NAV1: variants seen among roughly 807,000 people sequenced by gnomAD.
NAV1 encodes the protein pore membrane and/or filament interacting like protein 3.
Under a neutral mutation model 175.2 loss-of-function variants are expected in NAV1, and 18 were observed. That is an observed-to-expected ratio of 0.10 (90% confidence interval 0.07 to 0.15). NAV1 has a LOEUF of 0.15. Among genes scored for constraint, NAV1 ranks in the 10% least tolerant of loss-of-function variants. The pLI, the probability that NAV1 is intolerant of heterozygous loss-of-function variation, is 1.00. For missense variants in NAV1, 1,731 were observed against 2,436.6 expected (o/e 0.71, Z 6.10); for synonymous variants, 897 against 978.7 (o/e 0.92, Z 1.56).
intron 2 of NAV1, among the ~76,000 whole-genome samples, chr1:201,716,485 GT>G (rs1432745402): frequency 6.6e-6 from 1 of 152,194 alleles, no homozygotes; most frequent in Non-Finnish European, 1.5e-5. Flanking sequence ...GGGCACATCG[GT>G]TTCTGTCCAA....
At chr1:201,803,907 G>A (rs1558184332) in intron 16 of NAV1, among the ~76,000 whole-genome samples, 193 bp downstream of exon 20, 1 of 152,104 alleles carries the variant, frequency 6.6e-6, no homozygotes, top group South Asian at 2.1e-4. Context: ...TTGTCCCCAA[G>A]GCCACCCCTC....
intron 2 of NAV1, among the ~76,000 whole-genome samples, chr1:201,607,870 T>G (rs934521391): frequency 1.0e-4 from 14 of 138,194 alleles, no homozygotes; most frequent in South Asian, 7.4e-4. Flanking sequence ...GATAACTTTA[T>G]TGTGTGTGTG....
At chr1:201,814,307 C>CTACA (rs1678885951) in intron 28 of NAV1, among the ~76,000 whole-genome samples, 1 of 151,034 alleles carries the variant, frequency 6.6e-6, no homozygotes, top group Non-Finnish European at 1.5e-5. Flanking sequence ...GATATACAGG[C>CTACA]TACAGTGAGC....
At chr1:201,749,417 CAGAT>C (rs1156564415) in intron 3 of NAV1, among the ~76,000 whole-genome samples, 13 of 152,202 alleles carry the variant, frequency 8.5e-5, no homozygotes, top group Admixed American at 8.5e-4. Flanking sequence ...TTCTGGGCAT[CAGAT>C]AGAGCACAAC....
At chr1:201,671,582 A>G (rs1423551664) in intron 1 of NAV1, among the ~76,000 whole-genome samples, 3 of 152,170 alleles carry the variant, frequency 2.0e-5, no homozygotes, top group African/African-American at 7.2e-5. Context: ...TATTTGCTCT[A>G]CCCTTTCTAG....
At chr1:201,814,152 G>A (rs1047729511) in intron 28 of NAV1, among the ~76,000 whole-genome samples, 4 of 152,010 alleles carry the variant, frequency 2.6e-5, no homozygotes, top group African/African-American at 4.8e-5. Flanking sequence ...AGGCTGAGGC[G>A]AGAGGACTAC....
chr1:201,747,006 A>ATT (rs1673811832), intron 3 of NAV1, among the ~76,000 whole-genome samples: 1 of 152,240 alleles, frequency 6.6e-6, no homozygotes, highest in South Asian at 2.1e-4. Flanking sequence ...AAAAAAAAAA[A>ATT]AATGAAGAAA....
chr1:201,725,589 C>T (rs1342381087), intron 3 of NAV1, among the ~76,000 whole-genome samples: 2 of 148,388 alleles, frequency 1.3e-5, no homozygotes, highest in Non-Finnish European at 3.0e-5. Context: ...GGGGGGGCTA[C>T]AGTGAGCTAT....
chr1:201,798,814 T>C (rs1677642927), intron 15 of NAV1, among the ~76,000 whole-genome samples: 1 of 147,178 alleles, frequency 6.8e-6, no homozygotes, highest in South Asian at 2.2e-4. Context: ...GTGATTCTCC[T>C]GCCTCAGCCT....
At chr1:201,597,956 G>A (rs909740550) in intron 2 of NAV1, among the ~76,000 whole-genome samples, 4 of 152,242 alleles carry the variant, frequency 2.6e-5, no homozygotes, top group African/African-American at 9.6e-5. Context: ...CAAGGGGAGG[G>A]AGTTCAGCTG....
chr1:201,688,396 TG>T (rs1670764459), intron 1 of NAV1: 1 of 152,108 alleles, frequency 6.6e-6, no homozygotes, highest in Admixed American at 6.5e-5. Flanking sequence ...CTGGGGAAAA[TG>T]GGATGTTTTG....
intron 2 of NAV1, among the ~76,000 whole-genome samples, chr1:201,594,631 C>T (rs528479068): frequency 2.6e-5 from 4 of 152,316 alleles, no homozygotes; most frequent in African/African-American, 7.2e-5. Context: ...GTAGCATTAT[C>T]CCTTGAGGCA....
chr1:201,593,092 G>T (rs1283794426), intron 2 of NAV1, among the ~76,000 whole-genome samples: 3 of 152,212 alleles, frequency 2.0e-5, no homozygotes, highest in Admixed American at 1.3e-4. Flanking sequence ...GCCCCATCTG[G>T]CAGGTGGAAG....
At chr1:201,666,743 G>C (rs1669838352) in intron 1 of NAV1, among the ~76,000 whole-genome samples, 1 of 152,122 alleles carries the variant, frequency 6.6e-6, no homozygotes, top group Non-Finnish European at 1.5e-5. Context: ...TCCTGGGTGG[G>C]AGCGGCCTTC....
chr1:201,594,249 A>T (rs1301754083), intron 2 of NAV1, among the ~76,000 whole-genome samples: 2 of 152,132 alleles, frequency 1.3e-5, no homozygotes, highest in Admixed American at 1.3e-4. Context: ...AAGGGAGTGC[A>T]TCATGTGGGC....
At chr1:201,688,515 G>T (rs899141276) in intron 1 of NAV1, 1 of 152,202 alleles carries the variant, frequency 6.6e-6, no homozygotes, top group African/African-American at 2.4e-5. Flanking sequence ...CACATAACCT[G>T]ATCAGAGCTG....
In NAV1 at chr1:201,734,480, G is replaced by A. The variant is rs1036018712; in HGVS notation, c.1226+15725G>A. On this transcript the variant is annotated intron_variant, in intron 3 of 29. Coordinates refer to ENST00000367296, the Ensembl canonical transcript of NAV1. ...GGAGGAGGAGGAGGAAGAGGAGGAG[G>A]AGGAGGAAGAAGGAGAAGGAGAAGA... 2.5e-5 allele frequency among the ~76,000 whole-genome samples: 3 copies of A among 120,118 alleles called. 1 individual carries two copies. The highest frequency in any genetic ancestry group is 9.2e-5 in the African/African-American group (3 of 32,766). 78.8% of individuals were successfully genotyped at this position (120,118 alleles called of 152,430 possible).
intron 3 of NAV1, among the ~76,000 whole-genome samples, chr1:201,762,586 A>T (rs1307461758): frequency 6.6e-6 from 1 of 152,248 alleles, no homozygotes; most frequent in African/African-American, 2.4e-5. Context: ...TTGTTTACAT[A>T]CTATCTATGG....
At chr1:201,559,238 G>C (rs758376441) in intron 1 of NAV1, among the ~76,000 whole-genome samples, 3 of 152,088 alleles carry the variant, frequency 2.0e-5, no homozygotes, top group African/African-American at 4.8e-5. Context: ...CGGGCCTGCC[G>C]AGAGGCTACC....
Sources: gnomAD v4.1 joint callset for allele counts (sites outside exome capture counted in the v4.1 genomes callset) on GRCh38, gnomAD v4.1.1 for gene constraint, MANE v1.5 for transcripts, NCBI Gene and HGNC (gene_info 2026-07-23, HGNC 2026-07-21) for gene names.